The following SHISAL1 variants were observed in gnomAD, a reference collection of about 807,000 sequenced individuals.
SHISAL1 encodes shisa like 1.
SHISAL1 carries 9 observed loss-of-function variants against 22.6 expected under a neutral mutation model. The ratio of observed to expected loss-of-function variants is 0.40; its 90% CI spans 0.24 to 0.70. SHISAL1 has a LOEUF of 0.70. SHISAL1 is among the 30% of genes least tolerant of loss of function. The pLI, the probability that SHISAL1 is intolerant of heterozygous loss-of-function variation, is 0.39. For missense variants in SHISAL1, 246 were observed against 270.6 expected (o/e 0.91, Z 0.64); for synonymous variants, 119 against 115.4 (o/e 1.03, Z -0.20).
At chr22:44,273,051 G>A (rs1230979002) in intron 4 of SHISAL1, among the ~76,000 whole-genome samples, 1 of 151,090 alleles carries the variant, frequency 6.6e-6, no homozygotes, top group Non-Finnish European at 1.5e-5. Flanking sequence ...AGCTGAGATC[G>A]CACCACTGCA....
At chr22:44,289,844 G>A (rs762178976) in intron 3 of SHISAL1, among the ~76,000 whole-genome samples, 56 of 152,384 alleles carry the variant, frequency 3.7e-4, no homozygotes, top group Non-Finnish European at 6.3e-4. Flanking sequence ...GGTCTTTGTT[G>A]TGTGGGTGTG....
intron 3 of SHISAL1, among the ~76,000 whole-genome samples, chr22:44,286,750 T>A (rs1006061254): frequency 6.6e-6 from 1 of 152,018 alleles, no homozygotes; most frequent in African/African-American, 2.4e-5. Context: ...AGGGTCCAAG[T>A]CTCCCCGACC....
At chr22:44,283,214 C>T (rs969996629) in intron 4 of SHISAL1, among the ~76,000 whole-genome samples, 1 of 152,216 alleles carries the variant, frequency 6.6e-6, no homozygotes, top group Non-Finnish European at 1.5e-5. Flanking sequence ...GTTCTGACAA[C>T]CTTTTTTCAC....
chr22:44,265,864 T>A (rs1412322991), intron 4 of SHISAL1, among the ~76,000 whole-genome samples: 1 of 152,190 alleles, frequency 6.6e-6, no homozygotes, highest in East Asian at 1.9e-4. Context: ...TGGGAAGGTC[T>A]TCCCTCTGCC....
chr22:44,316,372 C>T (rs894577124), upstream of SHISAL1, among the ~76,000 whole-genome samples: 1 of 136,802 alleles, frequency 7.3e-6, no homozygotes, highest in African/African-American at 2.8e-5. Context: ...GTGGCTGCAC[C>T]AGGGCTGCAC....
At chr22:44,282,479 T>TA (rs2055283364) in intron 4 of SHISAL1, among the ~76,000 whole-genome samples, 1 of 132,860 alleles carries the variant, frequency 7.5e-6, no homozygotes, top group Admixed American at 8.3e-5. Context: ...CAGAAGTGGC[T>TA]GGCCTCATTA....
intron 2 of SHISAL1, 56 bp downstream of exon 2, chr22:44,300,823 G>T: frequency 6.8e-7 from 1 of 1,476,786 alleles, no homozygotes; most frequent in Non-Finnish European, 9.5e-7. Flanking sequence ...CGAATCTCAG[G>T]AAGAGCCCAC....
chr22:44,298,203 C>G (rs1396558135), intron 2 of SHISAL1, among the ~76,000 whole-genome samples: 1 of 152,214 alleles, frequency 6.6e-6, no homozygotes, highest in South Asian at 2.1e-4. Context: ...AGAAGAATAC[C>G]CCCTCTGGGG....
intron 4 of SHISAL1, among the ~76,000 whole-genome samples, chr22:44,258,526 G>A (rs529325332): frequency 5.9e-5 from 9 of 152,262 alleles, no homozygotes; most frequent in South Asian, 2.1e-4. Context: ...GTATCCATGT[G>A]TTCTCATCAT....
chr22:44,302,520 G>A (rs186589254), intron 1 of SHISAL1, among the ~76,000 whole-genome samples: 2 of 152,350 alleles, frequency 1.3e-5, no homozygotes, highest in African/African-American at 4.8e-5. Context: ...GGTAAGGAGG[G>A]CCTCTCTGAG....
At chr22:44,253,175 C>G (rs927506153) in intron 4 of SHISAL1, among the ~76,000 whole-genome samples, 4 of 151,842 alleles carry the variant, frequency 2.6e-5, no homozygotes, top group Admixed American at 2.6e-4. Flanking sequence ...AAAGGATGAA[C>G]AGAAGCATAA....
intron 4 of SHISAL1, among the ~76,000 whole-genome samples, chr22:44,259,791 G>A (rs967891063): frequency 6.6e-6 from 1 of 152,152 alleles, no homozygotes; most frequent in Non-Finnish European, 1.5e-5. Context: ...GCTTGCAATC[G>A]AGCGTCCAAT....
rs1464106072 is a variant in SHISAL1, at chr22:44,246,985, G to A, written c.*2700C>T. 1 of 152,358 alleles carries A rather than the reference G, an allele frequency of 6.6e-6. No individual in the cohort carries two copies. The highest frequency in any genetic ancestry group is 1.9e-4 in the East Asian group (1 of 5,188). 9.4% of individuals were successfully genotyped at this position (152,358 alleles called of 1,614,324 possible). On this transcript the variant is annotated 3_prime_UTR_variant, in exon 5 of 5. Coordinates refer to ENST00000381176, the MANE Select transcript of SHISAL1 (RefSeq NM_001099294.2). ...GACCACAAACCCCATGGGTTTTTCA[G>A]TTATTCCTGAAAAGACCTCTTGCGG... is the stretch of plus-strand genomic sequence containing the variant.
intron 4 of SHISAL1, among the ~76,000 whole-genome samples, chr22:44,279,430 G>T (rs2147286178): frequency 6.6e-6 from 1 of 152,266 alleles, no homozygotes; most frequent in South Asian, 2.1e-4. Flanking sequence ...TCATTTTCTG[G>T]AATTTCTTGC....
chr22:44,318,873 A>G, the SHISAL1 span, among the ~76,000 whole-genome samples: 5 of 152,330 alleles, frequency 3.3e-5, no homozygotes, highest in South Asian at 1.0e-3. Context: ...CACACAGCTC[A>G]TATGTGGCAG....
At chr22:44,308,425 C>T (rs907772997) in intron 1 of SHISAL1, among the ~76,000 whole-genome samples, 2 of 152,230 alleles carry the variant, frequency 1.3e-5, no homozygotes, top group African/African-American at 4.8e-5. Context: ...CTCCCTGTTC[C>T]TGGAGCTTCA....
rs955102974 is a variant in SHISAL1, at chr22:44,310,698, G to T, written c.-33+2053C>A. On this transcript the variant is annotated intron_variant, in intron 1 of 4. Coordinates refer to ENST00000381176, the MANE Select transcript of SHISAL1 (RefSeq NM_001099294.2). This position sits in a 1 kb window ranked among gnomAD's most constrained non-coding sequence, Gnocchi z 4.0. The stretch of plus-strand genomic sequence containing the variant: ...TGGTTTAGGTACCAGAGAGGGTCCT[G>T]TGTGCCCCTTGGCAAATGAAATTGT... Among the ~76,000 whole-genome samples the T allele has an allele frequency of 6.6e-6, 1 of 152,168 alleles. No homozygotes were observed. Among genetic ancestry groups the T allele is most frequent in the African/African-American group, 2.4e-5 (1 of 41,432 alleles).
rs113002954 is a variant in SHISAL1 at position 44,268,679 on chromosome 22, G to A, written c.599+16749C>T. 1.1e-4 allele frequency among the ~76,000 whole-genome samples: 17 copies of A among 152,300 alleles called. 1 individual carries two copies. Among genetic ancestry groups the A allele is most frequent in the African/African-American group, 3.1e-4 (13 of 41,540 alleles). On this transcript the variant is annotated intron_variant, in intron 4 of 4. Coordinates refer to ENST00000381176, the MANE Select transcript of SHISAL1 (RefSeq NM_001099294.2). The stretch of plus-strand genomic sequence containing the variant: ...AGGGAGAGGGTGTTTTAGAGGATGG[G>A]GAGAGGCCTCGGGAAGGAGCGTGAC...
At chr22:44,327,281 C>T in the SHISAL1 span, among the ~76,000 whole-genome samples, 4 of 148,432 alleles carry the variant, frequency 2.7e-5, no homozygotes, top group Non-Finnish European at 4.5e-5. Context: ...CACACACACA[C>T]GTGCGCGTAC....
Sources: allele counts gnomAD v4.1 joint callset (sites outside exome capture counted in the v4.1 genomes callset), GRCh38; gene constraint gnomAD v4.1.1; non-coding constraint Gnocchi (gnomAD v3.1); transcripts MANE v1.5; gene names NCBI Gene and HGNC (gene_info 2026-07-23, HGNC 2026-07-21).